The following NAA11 variants were observed in gnomAD, a reference collection of about 807,000 sequenced individuals.
NAA11 encodes the protein N-alpha-acetyltransferase 11.
Under a neutral mutation model 16.1 loss-of-function variants are expected in NAA11, and 15 were observed. That is an observed-to-expected ratio of 0.93 (90% CI 0.62 to 1.44). NAA11 has a LOEUF of 1.44. NAA11 is among the 40% of genes most tolerant of loss of function. The pLI, the probability that NAA11 is intolerant of heterozygous loss-of-function variation, is 0.00. For missense variants in NAA11, 298 were observed against 291.3 expected (o/e 1.02, Z -0.17); for synonymous variants, 122 against 112.4 (o/e 1.09, Z -0.54).
At chr4:79,319,076 C>T (rs945819280) in intron 1 of NAA11, among the ~76,000 whole-genome samples, 1 of 152,158 alleles carries the variant, frequency 6.6e-6, no homozygotes, top group African/African-American at 2.4e-5. Context: ...CACCAGTATA[C>T]ACCACCACGC....
chr4:79,224,305 A>C (rs1028518112), downstream of NAA11, among the ~76,000 whole-genome samples: 1 of 152,092 alleles, frequency 6.6e-6, no homozygotes, highest in Non-Finnish European at 1.5e-5. Context: ...TCAATCCACT[A>C]CCAATCTCAA....
the NAA11 span, among the ~76,000 whole-genome samples, chr4:79,190,933 T>C: frequency 1.4e-3 from 211 of 152,376 alleles, 2 homozygotes; most frequent in African/African-American, 4.9e-3. Flanking sequence ...TTTGGTTTTC[T>C]GTTCCTGCAT....
At chr4:79,305,450 C>G (rs1006682876) in intron 1 of NAA11, among the ~76,000 whole-genome samples, 1 of 152,140 alleles carries the variant, frequency 6.6e-6, no homozygotes, top group African/African-American at 2.4e-5. Context: ...TAAAATTTCA[C>G]AAATCATTTG....
chr4:79,205,041 C>T, the NAA11 span, among the ~76,000 whole-genome samples: 1 of 151,646 alleles, frequency 6.6e-6, no homozygotes, highest in Non-Finnish European at 1.5e-5. Context: ...TATATACACA[C>T]CACATTTTCT....
the NAA11 span, among the ~76,000 whole-genome samples, chr4:79,196,532 T>G: frequency 6.6e-6 from 1 of 152,004 alleles, no homozygotes; most frequent in African/African-American, 2.4e-5. Flanking sequence ...TTAGGGGACT[T>G]GTCCAATTTA....
the NAA11 span, among the ~76,000 whole-genome samples, chr4:79,187,563 G>C: frequency 6.6e-6 from 1 of 152,084 alleles, no homozygotes; most frequent in African/African-American, 2.4e-5. Context: ...GTTCGGAAAC[G>C]GTATCTCCAA....
the NAA11 span, among the ~76,000 whole-genome samples, chr4:79,172,674 A>C: frequency 0.82 from 124,003 of 152,066 alleles, 52,905 homozygotes; most frequent in East Asian, 1. Flanking sequence ...TACCTGGGGT[A>C]GCTTTTTCAA....
At chr4:79,165,719 G>C in the NAA11 span, among the ~76,000 whole-genome samples, 1 of 152,218 alleles carries the variant, frequency 6.6e-6, no homozygotes, top group Non-Finnish European at 1.5e-5. Context: ...ATGGGCTGCA[G>C]AGACTGGAGG....
At chr4:79,192,472 T>A in the NAA11 span, among the ~76,000 whole-genome samples, 1 of 147,302 alleles carries the variant, frequency 6.8e-6, no homozygotes, top group Admixed American at 6.9e-5. Flanking sequence ...AGTGAGAACA[T>A]GCGGTGTTTG....
chr4:79,166,152 T>C, the NAA11 span, among the ~76,000 whole-genome samples: 107 of 152,272 alleles, frequency 7.0e-4, 1 homozygote, highest in Non-Finnish European at 1.2e-3. Context: ...AGAGACATAG[T>C]TGGGCCTCAG....
chr4:79,261,158 A>G (rs908797233), intron 2 of NAA11, among the ~76,000 whole-genome samples: 1 of 152,234 alleles, frequency 6.6e-6, no homozygotes, highest in African/African-American at 2.4e-5. Flanking sequence ...AGACTTTATT[A>G]TACACAAAGA....
chr4:79,205,900 A>G, the NAA11 span, among the ~76,000 whole-genome samples: 1 of 151,740 alleles, frequency 6.6e-6, no homozygotes, highest in Non-Finnish European at 1.5e-5. Context: ...TGTCTGCTTT[A>G]TTGAAGGTAA....
chr4:79,260,453 G>A (rs1406380679), intron 2 of NAA11, among the ~76,000 whole-genome samples: 1 of 152,180 alleles, frequency 6.6e-6, no homozygotes, highest in Non-Finnish European at 1.5e-5. Flanking sequence ...GCATTTGATT[G>A]GCATCTGACT....
chr4:79,281,131 C>T (rs948366147), intron 2 of NAA11, among the ~76,000 whole-genome samples: 1 of 151,982 alleles, frequency 6.6e-6, no homozygotes, highest in African/African-American at 2.4e-5. Flanking sequence ...ATCCTATCCC[C>T]AGTTTACAGA....
chr4:79,232,835 C>T (rs1243488661), intron 2 of NAA11, among the ~76,000 whole-genome samples: 1 of 151,932 alleles, frequency 6.6e-6, no homozygotes, highest in Non-Finnish European at 1.5e-5. Flanking sequence ...CTGTTTGCCT[C>T]ACCACAAATT....
intron 2 of NAA11, among the ~76,000 whole-genome samples, chr4:79,285,128 T>A (rs2109988841): frequency 6.6e-6 from 1 of 152,250 alleles, no homozygotes; most frequent in East Asian, 1.9e-4. Context: ...CCTGTCAGCA[T>A]GTGAAACAAC....
intron 1 of NAA11, among the ~76,000 whole-genome samples, chr4:79,302,445 A>T (rs1276399254): frequency 1.3e-5 from 2 of 152,212 alleles, no homozygotes; most frequent in African/African-American, 4.8e-5. Flanking sequence ...ATGAAAAGGG[A>T]TGTGCAGTTG....
chr4:79,219,076 CTTT>C, the NAA11 span, among the ~76,000 whole-genome samples: 1 of 151,912 alleles, frequency 6.6e-6, no homozygotes, highest in African/African-American at 2.4e-5. Context: ...TGCCCTTTTA[CTTT>C]TTTAAGTCCC....
At chr4:79,252,262 C>A (rs1482893505) in intron 2 of NAA11, among the ~76,000 whole-genome samples, 1 of 151,952 alleles carries the variant, frequency 6.6e-6, no homozygotes, top group African/African-American at 2.4e-5. Flanking sequence ...TGATGGGTAC[C>A]CTAAAAGCCC....
Sources: allele counts gnomAD v4.1 joint callset (sites outside exome capture counted in the v4.1 genomes callset), GRCh38; gene constraint gnomAD v4.1.1; transcripts MANE v1.5; gene names NCBI Gene and HGNC (gene_info 2026-07-23, HGNC 2026-07-21).